COL1A2: variants seen among roughly 807,000 people sequenced by gnomAD.
The protein encoded by COL1A2 is collagen type I alpha 2 chain.
COL1A2 carries 49 observed loss-of-function variants against 174.3 expected under a neutral mutation model. That is an observed-to-expected ratio of 0.28 (90% CI 0.22 to 0.36). The LOEUF is 0.36. COL1A2 is among the 10% of genes least tolerant of loss of function. The pLI is 1.00. For missense variants in COL1A2, 1,438 were observed against 1,822.7 expected (o/e 0.79, Z 3.84); for synonymous variants, 655 against 606.6 (o/e 1.08, Z -1.17).
intron 2 of COL1A2, 45 bp downstream of exon 2, chr7:94,397,803 C>A (rs771213802): frequency 6.9e-6 from 8 of 1,156,530 alleles, no homozygotes; most frequent in Non-Finnish European, 1.0e-5. Context: ...CTTTGATTCC[C>A]TTGGCTACAG....
At chr7:94,406,478 G>A (rs1325689465) in intron 12 of COL1A2, among the ~76,000 whole-genome samples, 175 bp downstream of exon 12, 3 of 152,014 alleles carry the variant, frequency 2.0e-5, no homozygotes, top group Non-Finnish European at 4.4e-5. Context: ...GTGAAAAAAG[G>A]TCAATTATTA....
At position 94,408,343 on chromosome 7, in the gene COL1A2, G is replaced by C. The variant is rs376341785; in HGVS notation, c.701G>C (p.Arg234Pro). ...CCTTTATTTTCTTCTTAGGGTGCCC[G>C]TGGCAGTGATGGAAGTGTGGGTCCC... ...RVGAPGPAGA[R>P]GSDGSVGPVG... Residue 234 changes from arginine (R) to proline (P), a missense_variant, in exon 15 of 52, where the codon CGT becomes CCT. Coordinates refer to ENST00000297268, the MANE Select transcript of COL1A2 (RefSeq NM_000089.4). 1.2e-6 allele frequency: 2 copies of C among 1,614,068 alleles called. No homozygotes were observed. Among genetic ancestry groups the C allele is most frequent in the Non-Finnish European group, 1.7e-6 (2 of 1,180,014 alleles).
At chr7:94,420,478 C>T in intron 36 of COL1A2, 34 bp downstream of exon 36, 1 of 1,614,102 alleles carries the variant, frequency 6.2e-7, no homozygotes, top group Non-Finnish European at 8.5e-7. Context: ...AATCTGAAAA[C>T]ATCCTAAGTT....
chr7:94,409,314 T>A lies in COL1A2; in HGVS notation c.793-8T>A, dbSNP rs910749970. ...TGGTTAATTCCTTGGTTTAATTTCC[T>A]CTTTTAGGGTGAAATTGGAGCTGTT... On this transcript the variant is annotated splice_polypyrimidine_tract_variant and splice_region_variant and intron_variant, in intron 16 of 51. Coordinates refer to ENST00000297268, the MANE Select transcript of COL1A2 (RefSeq NM_000089.4). 3.1e-6 allele frequency: 5 copies of A among 1,612,778 alleles called. No homozygotes were observed. The highest frequency in any genetic ancestry group is 2.7e-5 in the African/African-American group (2 of 74,918).
At chr7:94,419,613 C>G (rs1792110643) in intron 34 of COL1A2, 62 bp downstream of exon 34, 3 of 1,566,318 alleles carry the variant, frequency 1.9e-6, no homozygotes, top group African/African-American at 2.7e-5. Flanking sequence ...TCCCTAGTCC[C>G]AAAGAGCCCC....
chr7:94,414,256 T>C lies in COL1A2; in HGVS notation c.1700T>C (p.Val567Ala). Residue 567 changes from valine to alanine, a missense_variant, in exon 29 of 52, where the codon GTT becomes GCT. Around this residue, in one of 3 missense-constraint regions of COL1A2, gnomAD observed 867 missense variants for 1,213.7 expected, o/e 0.71. Coordinates refer to ENST00000297268, the MANE Select transcript of COL1A2 (RefSeq NM_000089.4). ...GGCCCCTCAGGTCCCGCTGGTGAAG[T>C]TGGCAAACCAGGAGAAAGGGTGAGT... ...LPGPSGPAGE[V>A]GKPGERGLHG... 3.1e-6 allele frequency: 5 copies of C among 1,614,142 alleles called. No homozygotes were observed. The East Asian group carries it at 1.1e-4, about 36-fold the overall frequency.
chr7:94,395,019 C>A lies in COL1A2; in HGVS notation c.-13C>A. The A allele has an allele frequency of 6.2e-7, 1 of 1,613,078 alleles. No individual in the cohort carries two copies. Among genetic ancestry groups the A allele is most frequent in the South Asian group, 1.1e-5 (1 of 90,980 alleles). ...TCTGCGACACAAGGAGTCTGCATGT[C>A]TAAGTGCTAGACATGCTCAGCTTTG... On this transcript the variant is annotated 5_prime_UTR_variant, in exon 1 of 52. Coordinates refer to ENST00000297268, the MANE Select transcript of COL1A2 (RefSeq NM_000089.4).
intron 31 of COL1A2, among the ~76,000 whole-genome samples, chr7:94,417,063 A>C (rs112794844): frequency 0.017 from 2,535 of 152,304 alleles, 80 homozygotes; most frequent in African/African-American, 0.058. Context: ...AAGACAACAC[A>C]TATTATTTTC....
At chr7:94,414,065 A>C (rs1269399146) in intron 28 of COL1A2, 118 bp downstream of exon 28, 2 of 1,330,726 alleles carry the variant, frequency 1.5e-6, no homozygotes, top group Non-Finnish European at 2.2e-6. Context: ...GAAGCAAAGA[A>C]AGGTGCATTT....
At chr7:94,424,020 AT>A (rs1792223553) in intron 40 of COL1A2, 3 of 337,358 alleles carry the variant, frequency 8.9e-6, no homozygotes, top group South Asian at 8.5e-5. Flanking sequence ...AACAATTTAA[AT>A]TTTTTTATTT....
intron 39 of COL1A2, 112 bp from the exon 40 acceptor site, chr7:94,422,845 A>C: frequency 1.6e-6 from 2 of 1,268,888 alleles, no homozygotes; most frequent in Non-Finnish European, 2.3e-6. Flanking sequence ...TGGCCAGGGT[A>C]TTATTTTATT....
chr7:94,427,033 C>T lies in COL1A2; in HGVS notation c.3131C>T (p.Pro1044Leu), dbSNP rs1445319153. 1 of 1,613,912 alleles carries T rather than the reference C, an allele frequency of 6.2e-7. No individual in the cohort carries two copies. The highest frequency in any genetic ancestry group is 8.5e-7 in the Non-Finnish European group (1 of 1,180,008). Reference sequence around the variant, plus strand: ...GGTCACCATGGTGATCAAGGTGCTCCTGGCTCCGTGGGTCCTGCTGGTCCT... The same window carrying T: ...GGTCACCATGGTGATCAAGGTGCTCTTGGCTCCGTGGGTCCTGCTGGTCCT... The part of the protein sequence containing the change: ...IAGHHGDQGA[P>L]GSVGPAGPRG... The change falls in exon 47 of 52, where the codon CCT becomes CTT. Residue 1044 changes from proline to leucine, a missense_variant. Coordinates refer to ENST00000297268, the MANE Select transcript of COL1A2 (RefSeq NM_000089.4).
intron 2 of COL1A2, 43 bp from the exon 3 acceptor site, chr7:94,398,339 A>G (rs1454182501): frequency 5.4e-6 from 4 of 735,544 alleles, no homozygotes; most frequent in Non-Finnish European, 8.2e-6. Flanking sequence ...AAATATATAT[A>G]TACAATTTTC....
At chr7:94,414,101 C>T in intron 28 of COL1A2, 121 bp from the exon 29 acceptor site, 1 of 1,299,774 alleles carries the variant, frequency 7.7e-7, no homozygotes, top group Admixed American at 1.8e-5. Flanking sequence ...TTGTGTAATG[C>T]TTAATAACAT....
At chr7:94,405,174 G>A in intron 9 of COL1A2, 25 bp from the exon 10 acceptor site, 2 of 1,613,158 alleles carry the variant, frequency 1.2e-6, no homozygotes, top group East Asian at 2.2e-5. Flanking sequence ...AGAAGAAGTT[G>A]ACTCTACAAT....
intron 21 of COL1A2, 127 bp downstream of exon 21, chr7:94,410,654 CT>C: frequency 1.1e-6 from 1 of 937,258 alleles, no homozygotes; most frequent in Non-Finnish European, 1.7e-6. Context: ...TTCCATCTGC[CT>C]TATTAAATCA....
At position 94,407,795 on chromosome 7, in the gene COL1A2, G is replaced by T. The variant is rs541094606; in HGVS notation, c.595-52G>T. The T allele has an allele frequency of 1.9e-6, 3 of 1,554,422 alleles. No individual in the cohort carries two copies. The East Asian group carries it at 6.8e-5, about 35-fold the overall frequency. On this transcript the variant is annotated intron_variant, in intron 12 of 51. Transcript: ENST00000297268. Reference sequence around the variant, plus strand: ...AAATAGAGTAAAATTGCACTATCAGGAAAAATAATTGTTATATTTAATGAA... The same window carrying T: ...AAATAGAGTAAAATTGCACTATCAGTAAAAATAATTGTTATATTTAATGAA...
At position 94,414,803 on chromosome 7, in the gene COL1A2, G is replaced by A. The variant is rs184295444; in HGVS notation, c.1720-423G>A. Among the ~76,000 whole-genome samples the A allele has an allele frequency of 2.4e-3, 361 of 152,242 alleles. 2 individuals carry two copies. Among genetic ancestry groups the A allele is most frequent in the African/African-American group, 8.4e-3 (349 of 41,554 alleles). ...GTAGGACATATTAAGGAGACAGCTG[G>A]TCAGTAATAAAAGAGATACACTTGG... On this transcript the variant is annotated intron_variant, in intron 29 of 51. Transcript: ENST00000297268.
At chr7:94,410,557 C>T (rs1420584065) in intron 21 of COL1A2, 30 bp downstream of exon 21, 2 of 1,505,854 alleles carry the variant, frequency 1.3e-6, no homozygotes, top group East Asian at 2.5e-5. Flanking sequence ...AACACCCTAA[C>T]ACACCAGAGG....
Sources: gnomAD v4.1 joint callset for allele counts (sites outside exome capture counted in the v4.1 genomes callset) on GRCh38, gnomAD v4.1.1 for gene constraint, gnomAD v4.1.1 regional missense constraint, MANE v1.5 for transcripts, NCBI Gene and HGNC (gene_info 2026-07-23, HGNC 2026-07-21) for gene names.